SLC25A13: variants seen among roughly 807,000 people sequenced by gnomAD.
SLC25A13 encodes electrogenic aspartate/glutamate antiporter SLC25A13, mitochondrial.
SLC25A13 carries 70 observed loss-of-function variants against 85.5 expected under a neutral mutation model. The observed-to-expected ratio is 0.82, with a 90% CI of 0.68 to 1.00. The LOEUF (loss-of-function observed/expected upper bound fraction) is 1.00, where lower values mean the gene tolerates loss of function less well. SLC25A13 is among the 50% of genes least tolerant of loss of function. The probability of loss-of-function intolerance (pLI) is 0.00; values close to 1 mark genes in which losing one functional copy is unlikely to be tolerated. For synonymous variants in SLC25A13, 259 were observed against 288.7 expected (o/e 0.90, Z 1.04); for missense variants, 765 against 819.8 (o/e 0.93, Z 0.82).
chr7:96,236,332 A>T (rs554730973), intron 3 of SLC25A13, among the ~76,000 whole-genome samples: 1 of 151,922 alleles, frequency 6.6e-6, no homozygotes, highest in East Asian at 1.9e-4. Context: ...AGGAGGCAAG[A>T]AGGGGGGCAA....
chr7:96,291,361 TA>T (rs1162236927), intron 2 of SLC25A13, among the ~76,000 whole-genome samples: 1 of 151,882 alleles, frequency 6.6e-6, no homozygotes. Flanking sequence ...ACATCACAAT[TA>T]AAAGAACTAG....
intron 13 of SLC25A13, among the ~76,000 whole-genome samples, chr7:96,148,023 T>C (rs1368464530): frequency 6.6e-6 from 1 of 152,156 alleles, no homozygotes; most frequent in Non-Finnish European, 1.5e-5. Flanking sequence ...GTTTACCTAA[T>C]ATGTGTAATG....
chr7:96,265,911 T>C (rs1048232621), intron 3 of SLC25A13, among the ~76,000 whole-genome samples: 1 of 152,162 alleles, frequency 6.6e-6, no homozygotes, highest in African/African-American at 2.4e-5. Context: ...CATCCTCACA[T>C]GGCAGAAGGG....
chr7:96,256,955 C>T (rs1011381948), intron 3 of SLC25A13, among the ~76,000 whole-genome samples: 1 of 152,148 alleles, frequency 6.6e-6, no homozygotes, highest in South Asian at 2.1e-4. Context: ...CAACCTGCTC[C>T]TGAATGACTA....
intron 1 of SLC25A13, among the ~76,000 whole-genome samples, chr7:96,306,302 C>T (rs1232419825): frequency 6.6e-6 from 1 of 152,224 alleles, no homozygotes; most frequent in Non-Finnish European, 1.5e-5. Context: ...CTGAGCATCC[C>T]CCAGTCTGAC....
At chr7:96,288,941 T>C (rs1413650068) in intron 2 of SLC25A13, among the ~76,000 whole-genome samples, 4 of 152,196 alleles carry the variant, frequency 2.6e-5, no homozygotes, top group African/African-American at 9.6e-5. Context: ...GTTTGAGATC[T>C]GAGAACAGAC....
intron 4 of SLC25A13, among the ~76,000 whole-genome samples, chr7:96,229,646 G>A (rs772823819): frequency 1.3e-5 from 2 of 152,072 alleles, no homozygotes; most frequent in South Asian, 4.2e-4. Context: ...GCGACACCAC[G>A]AACCCACCGG....
At chr7:96,138,755 A>G (rs1015752255) in intron 14 of SLC25A13, among the ~76,000 whole-genome samples, 3 of 152,156 alleles carry the variant, frequency 2.0e-5, no homozygotes, top group African/African-American at 7.2e-5. Context: ...TTAGCATTCA[A>G]TATACATTTG....
At chr7:96,164,710 T>TCACA (rs1793668680) in intron 13 of SLC25A13, among the ~76,000 whole-genome samples, 1 of 67,588 alleles carries the variant, frequency 1.5e-5, no homozygotes, top group South Asian at 7.7e-4. Flanking sequence ...AGGATTAACT[T>TCACA]TACACACACA....
At chr7:96,239,028 CTATATATTT>C (rs1292964307) in intron 3 of SLC25A13, among the ~76,000 whole-genome samples, 7 of 109,032 alleles carry the variant, frequency 6.4e-5, no homozygotes, top group Non-Finnish European at 1.0e-4. Context: ...ATATATATGA[CTATATATTT>C]TATATATATA....
chr7:96,175,669 C>T (rs1173944528), intron 11 of SLC25A13, among the ~76,000 whole-genome samples: 3 of 152,154 alleles, frequency 2.0e-5, no homozygotes, highest in Non-Finnish European at 4.4e-5. Flanking sequence ...CACTAAGGAG[C>T]ATGCACCAAA....
chr7:96,131,635 AC>A, intron 15 of SLC25A13, 107 bp downstream of exon 15: 2 of 1,426,734 alleles, frequency 1.4e-6, no homozygotes, highest in Non-Finnish European at 2.0e-6. Context: ...ACTCACACAT[AC>A]CCTGTCAAGA....
chr7:96,198,438 CA>C (rs1795141326), intron 5 of SLC25A13, among the ~76,000 whole-genome samples: 1 of 152,204 alleles, frequency 6.6e-6, no homozygotes, highest in South Asian at 2.1e-4. Flanking sequence ...TGGAGGATAA[CA>C]AAAGCTGAAT....
At chr7:96,286,734 T>C (rs1798904611) in intron 2 of SLC25A13, among the ~76,000 whole-genome samples, 1 of 152,172 alleles carries the variant, frequency 6.6e-6, no homozygotes, top group Non-Finnish European at 1.5e-5. Context: ...TGACACTGTA[T>C]CTAGGTACCT....
intron 4 of SLC25A13, among the ~76,000 whole-genome samples, chr7:96,224,613 C>CA (rs535758388): frequency 2.7e-3 from 406 of 152,290 alleles, no homozygotes; most frequent in Middle Eastern, 0.017. Context: ...TGCATCTCAA[C>CA]AAGTTATCCA....
intron 3 of SLC25A13, among the ~76,000 whole-genome samples, chr7:96,269,233 G>A (rs377698916): frequency 1.4e-4 from 21 of 152,194 alleles, no homozygotes; most frequent in African/African-American, 5.1e-4. Flanking sequence ...CAACATGGAA[G>A]GCTGACCAAT....
chr7:96,316,483 T>A (rs1402767675), intron 1 of SLC25A13, among the ~76,000 whole-genome samples: 1 of 152,092 alleles, frequency 6.6e-6, no homozygotes, highest in African/African-American at 2.4e-5. Flanking sequence ...CTCTCACACA[T>A]ACACCTTCGC....
intron 14 of SLC25A13, among the ~76,000 whole-genome samples, chr7:96,140,185 C>A (rs1311890246): frequency 6.6e-6 from 1 of 150,952 alleles, no homozygotes; most frequent in Non-Finnish European, 1.5e-5. Flanking sequence ...GTCTCGATCT[C>A]CTGACCTCGT....
intron 3 of SLC25A13, among the ~76,000 whole-genome samples, chr7:96,271,341 A>G (rs968572387): frequency 2.0e-5 from 3 of 152,214 alleles, no homozygotes; most frequent in Non-Finnish European, 4.4e-5. Flanking sequence ...TACAATTACT[A>G]CACGCCAACT....
Sources: allele counts gnomAD v4.1 joint callset (sites outside exome capture counted in the v4.1 genomes callset), GRCh38; gene constraint gnomAD v4.1.1; transcripts MANE v1.5; gene names NCBI Gene and HGNC (gene_info 2026-07-23, HGNC 2026-07-21).